The following TRDN variants were observed in gnomAD, a reference collection of about 807,000 sequenced individuals.
TRDN encodes triadin in skeletal muscle.
A neutral mutation model predicts 149.7 loss-of-function variants in TRDN; 161 were observed. That is an observed-to-expected ratio of 1.08 (90% CI 0.95 to 1.23). The LOEUF is 1.23. Ranked by LOEUF, TRDN falls within the 50% of genes most tolerant of loss-of-function variation. The probability of loss-of-function intolerance (pLI) is 0.00; values close to 1 mark genes in which losing one functional copy is unlikely to be tolerated. For missense variants in TRDN, 896 were observed against 823.5 expected (o/e 1.09, Z -1.08); for synonymous variants, 294 against 250.5 (o/e 1.17, Z -1.64).
At chr6:123,465,797 T>G (rs923388731) in intron 9 of TRDN, among the ~76,000 whole-genome samples, 2 of 152,216 alleles carry the variant, frequency 1.3e-5, no homozygotes, top group African/African-American at 4.8e-5. Context: ...GTGTGTTTTT[T>G]ATCCAGAAAT....
intron 24 of TRDN, among the ~76,000 whole-genome samples, chr6:123,292,036 T>C (rs1778028211): frequency 6.6e-6 from 1 of 152,014 alleles, no homozygotes; most frequent in African/African-American, 2.4e-5. Context: ...TTTTGGTTTT[T>C]GATTCTTAAG....
At chr6:123,316,001 T>C (rs1016068738) in intron 24 of TRDN, among the ~76,000 whole-genome samples, 22 of 152,060 alleles carry the variant, frequency 1.4e-4, no homozygotes, top group African/African-American at 5.3e-4. Flanking sequence ...ATCTGTTAGG[T>C]TGAACCATGT....
chr6:123,511,569 C>T (rs1779184036), intron 7 of TRDN, among the ~76,000 whole-genome samples: 1 of 152,034 alleles, frequency 6.6e-6, no homozygotes, highest in African/African-American at 2.4e-5. Context: ...AAATTGTGAA[C>T]CAAATATGTT....
At chr6:123,437,292 C>A in intron 12 of TRDN, 1 of 268,732 alleles carries the variant, frequency 3.7e-6, no homozygotes, top group Non-Finnish European at 7.2e-6. Context: ...CCTTCAGCAG[C>A]TCCTAATCTC....
At chr6:123,585,465 G>T (rs1170444602) in intron 1 of TRDN, among the ~76,000 whole-genome samples, 1 of 152,224 alleles carries the variant, frequency 6.6e-6, no homozygotes, top group African/African-American at 2.4e-5. Context: ...TTAAGATGGG[G>T]ACAGACTTAT....
chr6:123,258,446 TG>T (rs1401876862), intron 35 of TRDN, among the ~76,000 whole-genome samples: 1 of 152,178 alleles, frequency 6.6e-6, no homozygotes, highest in Non-Finnish European at 1.5e-5. Context: ...TTTATTGATA[TG>T]TGTAGGTTGA....
intron 21 of TRDN, among the ~76,000 whole-genome samples, chr6:123,339,965 A>G (rs1780007865): frequency 1.3e-5 from 2 of 152,302 alleles, no homozygotes; most frequent in South Asian, 4.1e-4. Context: ...AGTTTTAAAT[A>G]ATCTGAGATA....
intron 20 of TRDN, among the ~76,000 whole-genome samples, chr6:123,356,645 T>C (rs1414311115): frequency 2.0e-5 from 3 of 149,398 alleles, no homozygotes; most frequent in African/African-American, 7.3e-5. Flanking sequence ...AAATTTGATG[T>C]AAGATTGGTG....
chr6:123,241,352 G>A (rs1775981469), intron 38 of TRDN, among the ~76,000 whole-genome samples: 1 of 150,946 alleles, frequency 6.6e-6, no homozygotes, highest in Admixed American at 6.6e-5. Flanking sequence ...CTTTTCAGAC[G>A]TAAGATACAC....
intron 40 of TRDN, among the ~76,000 whole-genome samples, chr6:123,220,907 AT>A (rs971970257): frequency 2.0e-5 from 3 of 151,928 alleles, no homozygotes; most frequent in African/African-American, 7.2e-5. Flanking sequence ...GCTTTACCAT[AT>A]GAACAAAAAT....
chr6:123,635,184 A>G (rs895584600), intron 1 of TRDN, among the ~76,000 whole-genome samples: 3 of 152,044 alleles, frequency 2.0e-5, no homozygotes, highest in African/African-American at 4.8e-5. Context: ...GTTTTTATAC[A>G]TAGCTTTCTT....
At chr6:123,387,944 T>C (rs1381683990) in intron 14 of TRDN, among the ~76,000 whole-genome samples, 13 of 152,144 alleles carry the variant, frequency 8.5e-5, no homozygotes, top group Admixed American at 7.2e-4. Context: ...GTTTTTTAGC[T>C]GGTCATGGAC....
chr6:123,508,436 G>C (rs1226188289), intron 7 of TRDN, among the ~76,000 whole-genome samples: 1 of 152,122 alleles, frequency 6.6e-6, no homozygotes. Context: ...ATGTCTTCCT[G>C]AAAGTGACCA....
intron 5 of TRDN, chr6:123,529,154 G>C (rs1780092172): frequency 6.5e-7 from 1 of 1,538,360 alleles, no homozygotes; most frequent in South Asian, 1.2e-5. Context: ...TAATAGCACA[G>C]TCTGCAAGAA....
At chr6:123,349,470 G>A (rs1780372583) in intron 21 of TRDN, 1 of 873,448 alleles carries the variant, frequency 1.1e-6, no homozygotes, top group Non-Finnish European at 1.4e-6. Context: ...GAATTCACAG[G>A]AATCTATAAT....
chr6:123,248,407 A>G (rs1450339417), intron 38 of TRDN, among the ~76,000 whole-genome samples: 1 of 152,000 alleles, frequency 6.6e-6, no homozygotes. Context: ...ACATACAAAA[A>G]TTAGCCAGGT....
At chr6:123,255,225 TA>T in intron 36 of TRDN, 100 bp from the exon 37 acceptor site, 1 of 508,336 alleles carries the variant, frequency 2.0e-6, no homozygotes, top group Non-Finnish European at 3.2e-6. Flanking sequence ...TTAAGTGTTA[TA>T]AATATTTTCT....
chr6:123,220,754 G>C (rs1333113476), intron 40 of TRDN, among the ~76,000 whole-genome samples: 1 of 151,778 alleles, frequency 6.6e-6, no homozygotes, highest in Admixed American at 6.6e-5. Flanking sequence ...AGAATCAAGA[G>C]ACGTCATTTC....
At chr6:123,317,786 A>G (rs1457324678) in intron 23 of TRDN, among the ~76,000 whole-genome samples, 3 of 152,012 alleles carry the variant, frequency 2.0e-5, no homozygotes, top group Non-Finnish European at 2.9e-5. Context: ...TATGTGGTAT[A>G]TGATCAACAA....
Sources: allele counts gnomAD v4.1 joint callset (sites outside exome capture counted in the v4.1 genomes callset), GRCh38; gene constraint gnomAD v4.1.1; transcripts MANE v1.5; gene names NCBI Gene and HGNC (gene_info 2026-07-23, HGNC 2026-07-21).